The following TNIK variants were observed in gnomAD, a reference collection of about 807,000 sequenced individuals.
The protein encoded by TNIK is TRAF2 and NCK-interacting protein kinase.
TNIK carries 49 observed loss-of-function variants against 191.3 expected under a neutral mutation model. The ratio of observed to expected loss-of-function variants is 0.26; its 90% CI spans 0.20 to 0.32. The LOEUF is 0.32. Ranked by LOEUF, TNIK falls within the 10% of genes least tolerant of loss-of-function variation. TNIK has a pLI of 1.00. For missense variants in TNIK, 1,155 were observed against 1,702.3 expected, an observed-to-expected ratio of 0.68 and a Z score of 5.66; for synonymous variants, 594 against 600.9, an observed-to-expected ratio of 0.99 and a Z score of 0.17.
intron 15 of TNIK, among the ~76,000 whole-genome samples, chr3:171,132,814 A>C (rs1729489902): frequency 6.6e-6 from 1 of 152,220 alleles, no homozygotes; most frequent in Non-Finnish European, 1.5e-5. Context: ...TGTAGAGTCC[A>C]CGGGGTTTAG....
At chr3:171,431,548 A>T (rs57860651) in intron 1 of TNIK, among the ~76,000 whole-genome samples, 28,854 of 152,086 alleles carry the variant, frequency 0.19, 3,701 homozygotes, top group African/African-American at 0.37. Flanking sequence ...ATGAGCCTAC[A>T]TTAAGTTTTA....
chr3:171,180,024 C>T (rs1383669385), intron 7 of TNIK, among the ~76,000 whole-genome samples: 2 of 152,142 alleles, frequency 1.3e-5, no homozygotes, highest in East Asian at 3.9e-4. Context: ...CAGCCAGGCT[C>T]TATGGCCCTA....
intron 2 of TNIK, among the ~76,000 whole-genome samples, chr3:171,287,315 T>C (rs1751125062): frequency 1.3e-5 from 2 of 152,260 alleles, no homozygotes; most frequent in South Asian, 4.1e-4. Flanking sequence ...TCATTGATTC[T>C]TTTCAAATTC....
At chr3:171,450,384 T>C (rs932400345) in intron 1 of TNIK, among the ~76,000 whole-genome samples, 4 of 152,238 alleles carry the variant, frequency 2.6e-5, no homozygotes, top group Admixed American at 1.3e-4. Flanking sequence ...ATCCATACTT[T>C]GTTAGACTGG....
chr3:171,122,741 C>G (rs1483472053), intron 18 of TNIK, among the ~76,000 whole-genome samples: 2 of 152,162 alleles, frequency 1.3e-5, no homozygotes, highest in Non-Finnish European at 2.9e-5. Context: ...AAGAAGAAAA[C>G]AGCCTGCCCA....
chr3:171,400,154 C>T (rs182834388), intron 1 of TNIK, among the ~76,000 whole-genome samples: 55 of 152,268 alleles, frequency 3.6e-4, no homozygotes, highest in African/African-American at 1.3e-3. Context: ...GCCCACAGTT[C>T]CCTTGCCATC....
intron 19 of TNIK, among the ~76,000 whole-genome samples, chr3:171,109,083 G>A (rs1301511517): frequency 1.3e-5 from 2 of 152,308 alleles, no homozygotes; most frequent in South Asian, 2.1e-4. Context: ...AATGGTATGC[G>A]TTTAAGTTTG....
chr3:171,186,482 T>C (rs1737382584), intron 7 of TNIK, among the ~76,000 whole-genome samples: 1 of 152,244 alleles, frequency 6.6e-6, no homozygotes, highest in Non-Finnish European at 1.5e-5. Context: ...AAGTCCTCTG[T>C]AGAAAAGTCT....
chr3:171,210,429 C>G (rs1034284653), intron 4 of TNIK, among the ~76,000 whole-genome samples: 5 of 152,202 alleles, frequency 3.3e-5, no homozygotes, highest in African/African-American at 1.2e-4. Context: ...ACACAGTAAA[C>G]TCATTGGTGG....
At chr3:171,189,085 C>T (rs935050075) in intron 6 of TNIK, among the ~76,000 whole-genome samples, 7 of 152,164 alleles carry the variant, frequency 4.6e-5, no homozygotes, top group Admixed American at 4.6e-4. Flanking sequence ...CTCCCAATTC[C>T]CCCTTGCCCC....
intron 32 of TNIK, among the ~76,000 whole-genome samples, chr3:171,065,915 T>C (rs1269614757): frequency 6.6e-6 from 1 of 152,198 alleles, no homozygotes; most frequent in Non-Finnish European, 1.5e-5. Flanking sequence ...TAGGAGAATT[T>C]GGGGTGTCTG....
chr3:171,448,163 G>T (rs1224636357), intron 1 of TNIK, among the ~76,000 whole-genome samples: 3 of 152,030 alleles, frequency 2.0e-5, no homozygotes, highest in Middle Eastern at 3.2e-3. Flanking sequence ...TTTAATAAGA[G>T]TTTTATTGAG....
intron 19 of TNIK, among the ~76,000 whole-genome samples, chr3:171,108,847 G>C (rs1725386720): frequency 6.6e-6 from 1 of 152,180 alleles, no homozygotes; most frequent in South Asian, 2.1e-4. Flanking sequence ...GAGGTACAGA[G>C]CAAGGTCAAG....
chr3:171,283,744 C>A (rs1294444106), intron 2 of TNIK, among the ~76,000 whole-genome samples: 1 of 152,156 alleles, frequency 6.6e-6, no homozygotes, highest in East Asian at 1.9e-4. Context: ...CACTGCAGCA[C>A]CAGGAACTGG....
chr3:171,400,291 A>G (rs1019618594), intron 1 of TNIK, among the ~76,000 whole-genome samples: 1 of 152,112 alleles, frequency 6.6e-6, no homozygotes, highest in Admixed American at 6.5e-5. Context: ...CAGGCCAGGC[A>G]CGGTAGGTCA....
intron 2 of TNIK, among the ~76,000 whole-genome samples, chr3:171,304,250 T>C (rs929470723): frequency 1.3e-5 from 2 of 152,054 alleles, no homozygotes; most frequent in Non-Finnish European, 2.9e-5. Flanking sequence ...GGAGGAGCCA[T>C]GGTGATGGGG....
intron 2 of TNIK, among the ~76,000 whole-genome samples, chr3:171,360,957 TA>T (rs1714888388): frequency 6.6e-6 from 1 of 152,228 alleles, no homozygotes; most frequent in African/African-American, 2.4e-5. Context: ...TGTTTATCTA[TA>T]AACCATGCCC....
intron 7 of TNIK, among the ~76,000 whole-genome samples, chr3:171,182,167 A>ATTTTTT: frequency 1.5e-5 from 1 of 65,612 alleles, no homozygotes; most frequent in Non-Finnish European, 2.8e-5. Context: ...CATTGTTAGG[A>ATTTTTT]TTTTTTTTTT....
intron 1 of TNIK, among the ~76,000 whole-genome samples, chr3:171,458,321 A>C (rs1232023898): frequency 6.6e-6 from 1 of 152,060 alleles, no homozygotes; most frequent in Non-Finnish European, 1.5e-5. Context: ...CCACCCTGTT[A>C]CCAACCCCAC....
Sources: allele counts gnomAD v4.1 joint callset (sites outside exome capture counted in the v4.1 genomes callset), GRCh38; gene constraint gnomAD v4.1.1; transcripts MANE v1.5; gene names NCBI Gene and HGNC (gene_info 2026-07-23, HGNC 2026-07-21).